The following CNTNAP5 variants were observed in gnomAD, a reference collection of about 807,000 sequenced individuals.
CNTNAP5 encodes the protein contactin-associated protein-like 5.
CNTNAP5 carries 72 observed loss-of-function variants against 150.2 expected under a neutral mutation model. The observed-to-expected ratio is 0.48, with a 90% CI of 0.40 to 0.58. The LOEUF is 0.58. CNTNAP5 is among the 20% of genes least tolerant of loss of function. The probability of loss-of-function intolerance (pLI) is 0.00; values close to 1 mark genes in which losing one functional copy is unlikely to be tolerated. For missense variants in CNTNAP5, 1,636 were observed against 1,626.2 expected, an observed-to-expected ratio of 1.01 and a Z score of -0.10; for synonymous variants, 672 against 619.8, an observed-to-expected ratio of 1.08 and a Z score of -1.25.
At chr2:124,532,409 G>T (rs183467110) in intron 10 of CNTNAP5, among the ~76,000 whole-genome samples, 2 of 152,082 alleles carry the variant, frequency 1.3e-5, no homozygotes, top group African/African-American at 4.8e-5. Flanking sequence ...TCTCTGCCCC[G>T]CATCCATGTA....
At chr2:124,360,653 T>C (rs1413521767) in intron 3 of CNTNAP5, among the ~76,000 whole-genome samples, 3 of 132,940 alleles carry the variant, frequency 2.3e-5, no homozygotes, top group Non-Finnish European at 1.6e-5. Flanking sequence ...CTCTTCTGGC[T>C]TGTAGGGTTT....
intron 3 of CNTNAP5, among the ~76,000 whole-genome samples, chr2:124,390,362 A>T (rs1691078987): frequency 6.6e-6 from 1 of 152,210 alleles, no homozygotes; most frequent in Admixed American, 6.5e-5. Flanking sequence ...CATCTCTTCC[A>T]TGATACAGAA....
chr2:124,481,533 A>G (rs758845484), intron 7 of CNTNAP5, among the ~76,000 whole-genome samples: 2 of 152,222 alleles, frequency 1.3e-5, no homozygotes, highest in Non-Finnish European at 2.9e-5. Context: ...TGCAAAATAC[A>G]GAATAGGGTA....
intron 3 of CNTNAP5, among the ~76,000 whole-genome samples, chr2:124,344,502 G>A (rs1170775497): frequency 1.3e-5 from 2 of 152,164 alleles, no homozygotes; most frequent in African/African-American, 2.4e-5. Context: ...AGGTGCAGTG[G>A]CTCACCCTTG....
At chr2:124,498,159 T>C (rs2104856929) in intron 7 of CNTNAP5, among the ~76,000 whole-genome samples, 1 of 152,322 alleles carries the variant, frequency 6.6e-6, no homozygotes, top group Non-Finnish European at 1.5e-5. Flanking sequence ...AGTGGCAGAA[T>C]GGCCTGAATA....
chr2:124,340,922 A>G (rs1282550321), intron 3 of CNTNAP5, among the ~76,000 whole-genome samples: 1 of 149,846 alleles, frequency 6.7e-6, no homozygotes, highest in East Asian at 2.0e-4. Context: ...ATATATATAT[A>G]TATATTAGGT....
chr2:124,683,403 T>C (rs7600422), intron 13 of CNTNAP5, among the ~76,000 whole-genome samples: 40,766 of 152,080 alleles, frequency 0.27, 6,167 homozygotes, highest in Non-Finnish European at 0.34. Flanking sequence ...TTATTTCAGT[T>C]TTTTTTGGGG....
intron 3 of CNTNAP5, among the ~76,000 whole-genome samples, chr2:124,364,015 C>T (rs79365016): frequency 1.3e-5 from 2 of 152,146 alleles, no homozygotes; most frequent in Non-Finnish European, 1.5e-5. Flanking sequence ...CAGAGGCATG[C>T]TTTTAAATTT....
intron 1 of CNTNAP5, among the ~76,000 whole-genome samples, chr2:124,123,362 G>A (rs553934827): frequency 2.6e-5 from 4 of 152,240 alleles, no homozygotes; most frequent in Non-Finnish European, 2.9e-5. Flanking sequence ...GGGGAGGGGC[G>A]TCCACCATTG....
At chr2:124,887,768 G>GA (rs1226790483) in intron 21 of CNTNAP5, among the ~76,000 whole-genome samples, 1 of 152,058 alleles carries the variant, frequency 6.6e-6, no homozygotes, top group African/African-American at 2.4e-5. Context: ...CCTGGCATGG[G>GA]AGACCCCGTG....
Position 124,918,981 on chromosome 2 carries a change from G to T in CNTNAP5, c.*4693G>T, listed in dbSNP as rs1170842055. On this transcript the variant is annotated 3_prime_UTR_variant, in exon 24 of 24. Transcript: ENST00000682447. ...AATTATTTCTATATACTGTTCTTGA[G>T]TCTTTCTTGACCTCTTCTTTTATCC... Among the ~76,000 whole-genome samples the T allele has an allele frequency of 6.6e-6, 1 of 152,026 alleles. No homozygotes were observed. Among genetic ancestry groups the T allele is most frequent in the African/African-American group, 2.4e-5 (1 of 41,424 alleles).
chr2:124,578,170 A>T (rs2104945958), intron 11 of CNTNAP5, among the ~76,000 whole-genome samples: 1 of 150,252 alleles, frequency 6.7e-6, no homozygotes, highest in African/African-American at 2.4e-5. Flanking sequence ...AAAAAAAAAA[A>T]AAAAAAAAAA....
At chr2:124,772,005 C>T (rs889329934) in intron 16 of CNTNAP5, among the ~76,000 whole-genome samples, 1 of 151,690 alleles carries the variant, frequency 6.6e-6, no homozygotes, top group Non-Finnish European at 1.5e-5. Context: ...CCACCATCAC[C>T]ATCATCATCA....
chr2:124,357,782 C>A (rs1427170574), intron 3 of CNTNAP5, among the ~76,000 whole-genome samples: 1 of 145,518 alleles, frequency 6.9e-6, no homozygotes, highest in Admixed American at 6.9e-5. Context: ...ATTGCCTTGG[C>A]GATGCGGGCT....
intron 16 of CNTNAP5, among the ~76,000 whole-genome samples, chr2:124,770,601 A>G (rs1425820299): frequency 6.6e-6 from 1 of 152,204 alleles, no homozygotes; most frequent in Non-Finnish European, 1.5e-5. Flanking sequence ...GGGGATGTGC[A>G]GGGCTGCCAG....
At chr2:124,504,991 C>T (rs549751240) in intron 8 of CNTNAP5, among the ~76,000 whole-genome samples, 17 of 152,102 alleles carry the variant, frequency 1.1e-4, no homozygotes, top group Non-Finnish European at 2.2e-4. Flanking sequence ...CAGGCCTGAG[C>T]CACTGTGCCT....
intron 3 of CNTNAP5, among the ~76,000 whole-genome samples, chr2:124,263,565 T>A (rs1335478522): frequency 2.6e-5 from 4 of 152,204 alleles, no homozygotes; most frequent in Non-Finnish European, 5.9e-5. Context: ...GTCAGATGAG[T>A]AGACTGCAAA....
At chr2:124,894,194 C>G (rs1293734227) in intron 21 of CNTNAP5, among the ~76,000 whole-genome samples, 2 of 152,072 alleles carry the variant, frequency 1.3e-5, no homozygotes, top group African/African-American at 2.4e-5. Flanking sequence ...ATGCTTACAT[C>G]TGTAATAAAA....
intron 13 of CNTNAP5, among the ~76,000 whole-genome samples, chr2:124,740,567 G>A (rs969667916): frequency 5.9e-5 from 9 of 152,028 alleles, no homozygotes; most frequent in Non-Finnish European, 8.8e-5. Context: ...AGACACTAGC[G>A]GTTTCTAACC....
Sources: allele counts gnomAD v4.1 joint callset (sites outside exome capture counted in the v4.1 genomes callset), GRCh38; gene constraint gnomAD v4.1.1; transcripts MANE v1.5; gene names NCBI Gene and HGNC (gene_info 2026-07-23, HGNC 2026-07-21).